CENPM: variants seen among roughly 807,000 people sequenced by gnomAD.
CENPM encodes the protein centromere protein M, also known as interphase centromere complex protein 39.
In CENPM, 14 loss-of-function variants were observed where a neutral mutation model predicts 19.6. That is an observed-to-expected ratio of 0.71 (90% confidence interval 0.47 to 1.11). CENPM has a LOEUF of 1.11. Among genes scored for constraint, CENPM ranks in the 50% most tolerant of loss-of-function variants. The probability of loss-of-function intolerance (pLI) is 0.00; values close to 1 mark genes in which losing one functional copy is unlikely to be tolerated. For missense variants in CENPM, 239 were observed against 228.4 expected, an observed-to-expected ratio of 1.05 and a Z score of -0.30; for synonymous variants, 114 against 101.5, an observed-to-expected ratio of 1.12 and a Z score of -0.74.
intron 4 of CENPM, among the ~76,000 whole-genome samples, chr22:41,944,435 C>CAAAAAAA (rs139232803): frequency 1.4e-5 from 1 of 70,258 alleles, no homozygotes; most frequent in African/African-American, 5.4e-5. Context: ...GACTCCGTCT[C>CAAAAAAA]AAAAAAAAAA....
chr22:41,946,582 G>A lies in CENPM; in HGVS notation c.58-86C>T, dbSNP rs1011214558. The A allele has an allele frequency of 3.6e-6, 4 of 1,099,866 alleles. No homozygotes were observed. In the African/African-American group the frequency reaches 4.7e-5, roughly 13 times the overall value. 68.1% of individuals were successfully genotyped at this position (1,099,866 alleles called of 1,614,324 possible). A position where few individuals can be genotyped will look rare whatever the true frequency, so the allele number is the denominator to read the frequency against. On this transcript the variant is annotated intron_variant, in intron 1 of 5. Transcript: ENST00000215980. ...TGGCCCTTCGACCCACTCCCGGGGG[G>A]ATCGGGACACCGCCAGCAGGCGGCT...
chr22:41,946,604 G>C, intron 1 of CENPM, 108 bp from the exon 2 acceptor site: 1 of 889,848 alleles, frequency 1.1e-6, no homozygotes, highest in Non-Finnish European at 1.7e-6. Flanking sequence ...GCCAGCAGGC[G>C]GCTCGGAGGA....
chr22:41,945,141 C>T, intron 4 of CENPM, 84 bp downstream of exon 4: 2 of 1,601,316 alleles, frequency 1.2e-6, no homozygotes, highest in Non-Finnish European at 1.7e-6. Flanking sequence ...TTCCATCACC[C>T]AGGGTGCCTC....
At chr22:41,930,599 A>G in the CENPM span, among the ~76,000 whole-genome samples, 2 of 150,800 alleles carry the variant, frequency 1.3e-5, no homozygotes, top group African/African-American at 2.5e-5. Flanking sequence ...GCTCACTGCA[A>G]CACCCAACTC....
intron 5 of CENPM, among the ~76,000 whole-genome samples, chr22:41,942,500 C>T (rs1299277994): frequency 6.6e-6 from 1 of 152,070 alleles, no homozygotes; most frequent in Non-Finnish European, 1.5e-5. Context: ...CCTGTAATCC[C>T]AGCACTTTGG....
chr22:41,946,596 C>T (rs1370331205), intron 1 of CENPM, 100 bp from the exon 2 acceptor site: 2 of 949,528 alleles, frequency 2.1e-6, no homozygotes, highest in African/African-American at 3.3e-5. Flanking sequence ...GGGACACCGC[C>T]AGCAGGCGGC....
At chr22:41,938,508 G>A (rs1246201809), downstream of CENPM, among the ~76,000 whole-genome samples, 1 of 151,996 alleles carries the variant, frequency 6.6e-6, no homozygotes, top group Non-Finnish European at 1.5e-5. Flanking sequence ...TGGGACTACA[G>A]GCGCCCACCA....
At chr22:41,937,879 T>G (rs544654628), downstream of CENPM, among the ~76,000 whole-genome samples, 49 of 152,160 alleles carry the variant, frequency 3.2e-4, no homozygotes, top group Admixed American at 5.2e-4. Flanking sequence ...AGTCTCGCTC[T>G]GTCGCCCAGG....
In CENPM at chr22:41,945,207, G is replaced by A. The variant is rs1328389205; in HGVS notation, c.310+18C>T. The A allele has an allele frequency of 6.2e-7, 1 of 1,613,832 alleles. No homozygotes were observed. The stretch of plus-strand genomic sequence containing the variant: ...CCTTGGCTGGGGGTGGGCAGTAACA[G>A]GCGAGGAACGTACTTACCACCTGTG... On this transcript the variant is annotated intron_variant, in intron 4 of 5. Transcript: ENST00000215980.
At chr22:41,931,336 G>A in the CENPM span, among the ~76,000 whole-genome samples, 16 of 151,502 alleles carry the variant, frequency 1.1e-4, no homozygotes, top group South Asian at 3.1e-3. Context: ...AAAATTAGCC[G>A]GGTGTCGTAG....
At chr22:41,940,285 T>C (rs990059155) in intron 5 of CENPM, 2 of 659,744 alleles carry the variant, frequency 3.0e-6, no homozygotes, top group African/African-American at 3.6e-5. Context: ...CTGGTTACCC[T>C]GCCTAACTCT....
downstream of CENPM, among the ~76,000 whole-genome samples, chr22:41,938,198 G>A (rs2077692673): frequency 6.8e-6 from 1 of 146,312 alleles, no homozygotes; most frequent in Non-Finnish European, 1.5e-5. Flanking sequence ...CTGGAGTGCA[G>A]TGGTGTAATC....
chr22:41,939,669 C>G (rs2077708871), intron 5 of CENPM, among the ~76,000 whole-genome samples: 1 of 151,148 alleles, frequency 6.6e-6, no homozygotes, highest in Non-Finnish European at 1.5e-5. Flanking sequence ...AAGGAATGGG[C>G]CCAGGGGAGC....
chr22:41,944,846 CAG>C (rs1326125332), intron 4 of CENPM: 1 of 1,030,702 alleles, frequency 9.7e-7, no homozygotes, highest in Non-Finnish European at 1.2e-6. Flanking sequence ...CAAGTAATGG[CAG>C]AGTTATCTGC....
chr22:41,942,364 A>G (rs988922271), intron 5 of CENPM, among the ~76,000 whole-genome samples: 9 of 152,182 alleles, frequency 5.9e-5, no homozygotes, highest in Non-Finnish European at 1.3e-4. Context: ...TAATCCCAGC[A>G]CTTTGGGAGG....
chr22:41,943,976 T>C (rs1025337510), intron 4 of CENPM, among the ~76,000 whole-genome samples: 7 of 152,194 alleles, frequency 4.6e-5, no homozygotes, highest in Non-Finnish European at 8.8e-5. Flanking sequence ...CAATGCTTCT[T>C]GAGAATTATC....
In CENPM at chr22:41,945,961, G is replaced by A. The variant is rs1345826011; in HGVS notation, c.182C>T (p.Pro61Leu). ...SLPLPSSVNRPRIDLIVFVVN... is the reference protein window; with the variant it reads ...SLPLPSSVNRLRIDLIVFVVN... ...CACAAACACGATCAGGTCAATTCGG[G>A]GCCGATTCACACTGGAGGGCAAAGG... Residue 61 changes from proline to leucine, a missense_variant, in exon 3 of 6, where the codon CCC becomes CTC. Transcript: ENST00000215980. The A allele has an allele frequency of 3.1e-6, 5 of 1,613,934 alleles. No homozygotes were observed. Among genetic ancestry groups the A allele is most frequent in the Non-Finnish European group, 4.2e-6 (5 of 1,179,960 alleles).
At chr22:41,944,060 C>T (rs1569427588) in intron 4 of CENPM, 6 of 976,956 alleles carry the variant, frequency 6.1e-6, no homozygotes, top group African/African-American at 3.5e-5. Context: ...TCATGCATGC[C>T]GGAGTGACAC....
chr22:41,929,935 CTTTTTTT>C, the CENPM span, among the ~76,000 whole-genome samples: 12 of 97,674 alleles, frequency 1.2e-4, no homozygotes, highest in East Asian at 9.7e-4. Flanking sequence ...TTCCCCGTGG[CTTTTTTT>C]TTTTTTTTTT....
Sources: gnomAD v4.1 joint callset for allele counts (sites outside exome capture counted in the v4.1 genomes callset) on GRCh38, gnomAD v4.1.1 for gene constraint, MANE v1.5 for transcripts, NCBI Gene and HGNC (gene_info 2026-07-23, HGNC 2026-07-21) for gene names.